RNF217: variants seen among roughly 807,000 people sequenced by gnomAD.
RNF217 encodes ring finger protein 217.
RNF217 carries 31 observed loss-of-function variants against 57.8 expected under a neutral mutation model. That is an observed-to-expected ratio of 0.54 (90% CI 0.40 to 0.72). The LOEUF (loss-of-function observed/expected upper bound fraction) is 0.72, where lower values mean the gene tolerates loss of function less well. Ranked by LOEUF, RNF217 falls within the 30% of genes least tolerant of loss-of-function variation. The pLI is 0.00. For missense variants in RNF217, 696 were observed against 708.3 expected, an observed-to-expected ratio of 0.98 and a Z score of 0.20; for synonymous variants, 313 against 294.0, an observed-to-expected ratio of 1.06 and a Z score of -0.66.
chr6:125,074,798 G>A (rs926421221), intron 3 of RNF217, among the ~76,000 whole-genome samples: 1 of 152,104 alleles, frequency 6.6e-6, no homozygotes, highest in Non-Finnish European at 1.5e-5. Flanking sequence ...GAAATATGCA[G>A]AGTTTTAGCT....
At position 124,962,949 on chromosome 6, in the gene RNF217, C is replaced by T; in HGVS notation, c.405C>T (p.Pro135=). Residue 135 remains proline (P), a synonymous_variant, in exon 1 of 6, where the codon CCC becomes CCT. Transcript: ENST00000521654. The surrounding 1 kb of genome is among the most constrained non-coding windows in gnomAD (Gnocchi z 4.6). ...CGCCCCCCGGCGAAGAGCTGGAGCCCAGGACCCGCGTGGGGGCCGCCGACG... is the reference window on the plus strand; with the variant it reads ...CGCCCCCCGGCGAAGAGCTGGAGCCTAGGACCCGCGTGGGGGCCGCCGACG... ...QEAPPGEELE[P]RTRVGAADGL... is the part of the protein sequence containing the mutation. The T allele has an allele frequency of 6.3e-7, 1 of 1,597,680 alleles. No individual in the cohort carries two copies. The highest frequency in any genetic ancestry group is 8.5e-7 in the Non-Finnish European group (1 of 1,179,516).
chr6:125,032,038 A>T (rs1290725757), intron 1 of RNF217, among the ~76,000 whole-genome samples: 2 of 152,172 alleles, frequency 1.3e-5, no homozygotes, highest in Non-Finnish European at 2.9e-5. Context: ...CAAAAGTGGA[A>T]ACCCATCAGA....
chr6:124,975,987 G>C (rs1409389726), intron 1 of RNF217, among the ~76,000 whole-genome samples: 5 of 151,998 alleles, frequency 3.3e-5, no homozygotes, highest in African/African-American at 1.2e-4. Context: ...CAAACACTTT[G>C]AAAACAATAG....
At chr6:125,009,207 T>C (rs1039705544) in intron 1 of RNF217, 2 of 1,594,706 alleles carry the variant, frequency 1.3e-6, no homozygotes, top group African/African-American at 2.7e-5. Flanking sequence ...AGATAAAGAG[T>C]AGGAGAATCA....
At chr6:124,979,729 G>T (rs1784091088) in intron 1 of RNF217, among the ~76,000 whole-genome samples, 1 of 152,212 alleles carries the variant, frequency 6.6e-6, no homozygotes, top group African/African-American at 2.4e-5. Context: ...TCTTCGGACA[G>T]TTTGCTTGAG....
chr6:124,997,960 T>A (rs1784814107), intron 1 of RNF217, among the ~76,000 whole-genome samples: 1 of 152,184 alleles, frequency 6.6e-6, no homozygotes, highest in African/African-American at 2.4e-5. Flanking sequence ...CCATGTTGAA[T>A]CCTGAATGTC....
At chr6:124,999,263 G>C (rs1437967313) in intron 1 of RNF217, among the ~76,000 whole-genome samples, 1 of 152,124 alleles carries the variant, frequency 6.6e-6, no homozygotes, top group Non-Finnish European at 1.5e-5. Context: ...CGTGTCATGA[G>C]TTTCTAACCG....
intron 1 of RNF217, among the ~76,000 whole-genome samples, chr6:125,027,007 C>T (rs502889): frequency 0.86 from 131,084 of 151,714 alleles, 57,103 homozygotes; most frequent in East Asian, 1. Flanking sequence ...ATTTTTTAAA[C>T]TATTTTTTAA....
At chr6:125,029,063 TC>T (rs1786234429) in intron 1 of RNF217, among the ~76,000 whole-genome samples, 1 of 152,152 alleles carries the variant, frequency 6.6e-6, no homozygotes, top group African/African-American at 2.4e-5. Context: ...AGAACAGGAT[TC>T]TCTAAAATGT....
rs1783377539 is a variant in RNF217 at position 124,963,257 on chromosome 6, G to A, written c.713G>A (p.Ser238Asn). 6.5e-7 allele frequency: 1 copy of A among 1,536,090 alleles called. No individual in the cohort carries two copies. Among genetic ancestry groups the A allele is most frequent in the East Asian group, 2.4e-5 (1 of 40,886 alleles). Residue 238 changes from serine (S) to asparagine (N), a missense_variant, in exon 1 of 6, where the codon AGC (serine) becomes AAC (asparagine). Around this residue, in one of 2 missense-constraint regions of RNF217, gnomAD observed 465 missense variants for 386.8 expected, o/e 1.20. Transcript: ENST00000521654. ...GCGCCCGAGCCGTTCTCCATGCCCAGCCTGTTGGGAGCTCCACCCTACTCT... is the reference window on the plus strand; with the variant it reads ...GCGCCCGAGCCGTTCTCCATGCCCAACCTGTTGGGAGCTCCACCCTACTCT... ...YLAPEPFSMP[S>N]LLGAPPYSGL...
intron 1 of RNF217, among the ~76,000 whole-genome samples, chr6:124,968,577 A>C (rs1169261150): frequency 6.6e-6 from 1 of 152,172 alleles, no homozygotes; most frequent in Non-Finnish European, 1.5e-5. Context: ...GGCATGCTGC[A>C]TGGGTATTTC....
intron 4 of RNF217, among the ~76,000 whole-genome samples, chr6:125,078,712 G>T (rs1447714049): frequency 1.3e-5 from 2 of 152,070 alleles, no homozygotes; most frequent in African/African-American, 4.8e-5. Flanking sequence ...TGTCTTTTGT[G>T]TGTGCAGGCG....
At chr6:124,978,382 C>T (rs1463434290) in intron 1 of RNF217, among the ~76,000 whole-genome samples, 1 of 151,532 alleles carries the variant, frequency 6.6e-6, no homozygotes, top group Non-Finnish European at 1.5e-5. Flanking sequence ...GCGCTCAGCC[C>T]ATGGATCAAC....
In RNF217 at chr6:124,962,806, G is replaced by C; in HGVS notation, c.262G>C (p.Ala88Pro). 6.3e-7 allele frequency: 1 copy of C among 1,597,620 alleles called. No homozygotes were observed. The highest frequency in any genetic ancestry group is 8.5e-7 in the Non-Finnish European group (1 of 1,179,590). ...TAAGAGCCGAGCACCGGCGCAGCCT[G>C]CGGGACTGGCACTCACCGGGCCTCT... is the stretch of plus-strand genomic sequence containing the variant. ...WSKSRAPAQP[A>P]GLALTGPLNP... The change falls in exon 1 of 6, where the codon GCG becomes CCG. Residue 88 changes from alanine to proline, a missense_variant. Around this residue, in one of 2 missense-constraint regions of RNF217, gnomAD observed 465 missense variants for 386.8 expected, o/e 1.20. Coordinates refer to ENST00000521654, the MANE Select transcript of RNF217 (RefSeq NM_001286398.3). This position sits in a 1 kb window ranked among gnomAD's most constrained non-coding sequence, Gnocchi z 4.6.
intron 1 of RNF217, among the ~76,000 whole-genome samples, chr6:124,976,979 T>C (rs1407109377): frequency 6.6e-6 from 1 of 152,276 alleles, no homozygotes; most frequent in Non-Finnish European, 1.5e-5. Flanking sequence ...TTTTTCCTGA[T>C]ACTTTGCTCG....
intron 1 of RNF217, among the ~76,000 whole-genome samples, chr6:124,998,716 G>A (rs1159815080): frequency 1.3e-5 from 2 of 152,140 alleles, no homozygotes; most frequent in African/African-American, 4.8e-5. Flanking sequence ...CAGGAGAATC[G>A]TTTGAACCTG....
Position 124,962,912 on chromosome 6 carries a change from A to G in RNF217, c.368A>G (p.Glu123Gly). 2 of 1,597,874 alleles carry G rather than the reference A, an allele frequency of 1.3e-6. No homozygotes were observed. Among genetic ancestry groups the G allele is most frequent in the South Asian group, 2.2e-5 (2 of 91,070 alleles). ...GGGGATCGAAAAGAGGGAGGGGATG[A>G]ACAGCAGGAGGCGCCCCCCGGCGAA... Reference protein sequence around the residue: ...EAGDRKEGGDEQQEAPPGEEL... With the variant: ...EAGDRKEGGDGQQEAPPGEEL... Residue 123 changes from glutamate (E) to glycine (G), a missense_variant, in exon 1 of 6, where the codon GAA (glutamate) becomes GGA (glycine). Physicochemically the swap from Glu to Gly is moderately conservative, Grantham distance 98. Coordinates refer to ENST00000521654, the MANE Select transcript of RNF217 (RefSeq NM_001286398.3). The surrounding 1 kb of genome is among the most constrained non-coding windows in gnomAD (Gnocchi z 4.6).
At chr6:124,985,064 T>C (rs1222715077) in intron 1 of RNF217, among the ~76,000 whole-genome samples, 1 of 152,218 alleles carries the variant, frequency 6.6e-6, no homozygotes, top group African/African-American at 2.4e-5. Flanking sequence ...TACTCATTCT[T>C]AGGTCACATG....
chr6:125,028,075 G>A (rs537643242), intron 1 of RNF217, among the ~76,000 whole-genome samples: 86 of 152,182 alleles, frequency 5.7e-4, no homozygotes, highest in Admixed American at 1.8e-3. Flanking sequence ...CATTCTGTGG[G>A]TTGTCTCTTC....
Sources: allele counts gnomAD v4.1 joint callset (sites outside exome capture counted in the v4.1 genomes callset), GRCh38; gene constraint gnomAD v4.1.1; regional missense constraint gnomAD v4.1.1; non-coding constraint Gnocchi (gnomAD v3.1); transcripts MANE v1.5; gene names NCBI Gene and HGNC (gene_info 2026-07-23, HGNC 2026-07-21).